Variants in GNL2 observed in about 807,000 individuals in gnomAD.
GNL2 encodes the protein nucleolar GTP-binding protein 2.
In GNL2, 51 loss-of-function variants were observed where a neutral mutation model predicts 92.3. That is an observed-to-expected ratio of 0.55 (90% CI 0.44 to 0.70). GNL2 has a LOEUF of 0.70. GNL2 is among the 30% of genes least tolerant of loss of function. The pLI, the probability that GNL2 is intolerant of heterozygous loss-of-function variation, is 0.00. For missense variants in GNL2, 844 were observed against 895.6 expected (o/e 0.94, Z 0.74); for synonymous variants, 283 against 300.6 (o/e 0.94, Z 0.61).
chr1:37,587,378 C>T lies in GNL2; in HGVS notation c.502G>A (p.Glu168Lys). 1.9e-6 allele frequency: 3 copies of T among 1,613,626 alleles called. No individual in the cohort carries two copies. Among genetic ancestry groups the T allele is most frequent in the South Asian group, 2.2e-5 (2 of 91,058 alleles). ...SDMQSLIENA[E>K]MSTESYDQGK... ...TGGTCATAGCTCTCAGTGGACATTT[C>T]AGCATTTTCGATAAGAGACTGCATA... The change falls in exon 5 of 16, where the codon GAA (glutamate) becomes AAA (lysine). Residue 168 changes from glutamate (E) to lysine (K), a missense_variant. By Grantham distance (56) the Glu-to-Lys change is moderately conservative. Transcript: ENST00000373062.
At chr1:37,583,737 A>T (rs925375978) in intron 6 of GNL2, 130 bp downstream of exon 6, 1 of 604,472 alleles carries the variant, frequency 1.7e-6, no homozygotes, top group Non-Finnish European at 3.0e-6. Flanking sequence ...TTGTAGGAGG[A>T]AGAGGATGGA....
At position 37,575,255 on chromosome 1, in the gene GNL2, GAAACAAGTGAGGA is replaced by G. The variant is rs756750711; in HGVS notation, c.1143+327_1143+339del. Among the ~76,000 whole-genome samples the G allele has an allele frequency of 1.3e-5, 2 of 152,196 alleles. No individual in the cohort carries two copies. Among genetic ancestry groups the G allele is most frequent in the Non-Finnish European group, 2.9e-5 (2 of 68,032 alleles). ...ATTTACAGTTTTTCAGTCGTATTCA[GAAACAAGTGAGGA>G]AATGACTGGGTTCCAAAATGACTCA... On this transcript the variant is annotated intron_variant, in intron 10 of 15. Transcript: ENST00000373062. The surrounding 1 kb of genome is among the most constrained non-coding windows in gnomAD (Gnocchi z 4.1).
At chr1:37,594,267 G>C (rs1643907765) in intron 1 of GNL2, among the ~76,000 whole-genome samples, 1 of 152,198 alleles carries the variant, frequency 6.6e-6, no homozygotes, top group Non-Finnish European at 1.5e-5. Context: ...TTGTACATGA[G>C]CATTTGATCA....
chr1:37,592,002 C>A (rs1643890580), intron 3 of GNL2, among the ~76,000 whole-genome samples: 1 of 152,184 alleles, frequency 6.6e-6, no homozygotes, highest in South Asian at 2.1e-4. Flanking sequence ...TGCTTCTCTG[C>A]AGAGTTTTGA....
chr1:37,567,568 C>T (rs1034673437), intron 15 of GNL2, 105 bp downstream of exon 15: 70 of 813,576 alleles, frequency 8.6e-5, no homozygotes, highest in Non-Finnish European at 1.3e-4. Context: ...TCAACGAGGA[C>T]TGGGGTTCTT....
intron 5 of GNL2, among the ~76,000 whole-genome samples, chr1:37,586,621 GC>G (rs1342615494): frequency 6.6e-6 from 1 of 152,176 alleles, no homozygotes; most frequent in Non-Finnish European, 1.5e-5. Context: ...AGTTAAGGAA[GC>G]CCCGATATTC....
rs1643901423 is a variant in GNL2, at chr1:37,593,662, T to C, written c.149+100A>G. 4 of 749,070 alleles carry C rather than the reference T, an allele frequency of 5.3e-6. No individual in the cohort carries two copies. The East Asian group carries it at 1.0e-4, about 19-fold the overall frequency. 46.4% of individuals were successfully genotyped at this position (749,070 alleles called of 1,614,324 possible). On this transcript the variant is annotated intron_variant, in intron 2 of 15. Transcript: ENST00000373062. ...TATTTGAGAATATATAACTCCTATT[T>C]GGAGGAAGTGGGGGTGAGAACAGCA...
chr1:37,584,796 A>G (rs1213193573), intron 5 of GNL2, among the ~76,000 whole-genome samples: 1 of 152,112 alleles, frequency 6.6e-6, no homozygotes, highest in Non-Finnish European at 1.5e-5. Context: ...GAAAATGGTT[A>G]GAAGAGCTGG....
Position 37,593,802 on chromosome 1 carries a change from T to C in GNL2, c.109A>G (p.Thr37Ala). 1 of 1,614,144 alleles carries C rather than the reference T, an allele frequency of 6.2e-7. No homozygotes were observed. The highest frequency in any genetic ancestry group is 1.1e-5 in the South Asian group (1 of 91,074). ...CTATACATATTCAGGCGCCGGATGG[T>C]GGCCCGGTCCCTCATGTTTTGGCCT... ...AGGQNMRDRATIRRLNMYRQK... is the reference protein window; with the variant it reads ...AGGQNMRDRAAIRRLNMYRQK... Residue 37 changes from threonine to alanine, a missense_variant, in exon 2 of 16, where the codon ACC (threonine) becomes GCC (alanine). Transcript: ENST00000373062.
At chr1:37,577,759 T>C (rs994401065) in intron 8 of GNL2, among the ~76,000 whole-genome samples, 5 of 152,292 alleles carry the variant, frequency 3.3e-5, no homozygotes, top group Admixed American at 1.3e-4. Context: ...GCAGATAGTC[T>C]GCCAAAGCAG....
chr1:37,573,091 G>A (rs1001619754), intron 12 of GNL2, among the ~76,000 whole-genome samples: 1 of 152,128 alleles, frequency 6.6e-6, no homozygotes, highest in African/African-American at 2.4e-5. Flanking sequence ...GGGATTGCTG[G>A]GTGAATGTAT....
chr1:37,586,009 T>C (rs755042905), intron 5 of GNL2, among the ~76,000 whole-genome samples: 1 of 152,158 alleles, frequency 6.6e-6, no homozygotes, highest in Admixed American at 6.5e-5. Context: ...TGGGGAATAA[T>C]TAAGGATGAA....
intron 6 of GNL2, 69 bp from the exon 7 acceptor site, chr1:37,583,005 T>A: frequency 9.6e-7 from 1 of 1,040,340 alleles, no homozygotes; most frequent in Non-Finnish European, 1.4e-6. Flanking sequence ...TTTAAGGGAG[T>A]CTGGGAAAAA....
At chr1:37,569,468 C>T (rs1220941629) in intron 12 of GNL2, 166 bp from the exon 13 acceptor site, 32 of 597,786 alleles carry the variant, frequency 5.4e-5, no homozygotes, top group Non-Finnish European at 8.6e-5. Context: ...AACCAATGTA[C>T]ATTAAGCCCA....
intron 12 of GNL2, among the ~76,000 whole-genome samples, chr1:37,572,437 G>A (rs1643608573): frequency 6.6e-6 from 1 of 152,184 alleles, no homozygotes; most frequent in African/African-American, 2.4e-5. Context: ...TGACCACATG[G>A]TTGGTGCTTT....
At chr1:37,581,428 T>G in intron 8 of GNL2, 1 of 455,982 alleles carries the variant, frequency 2.2e-6, no homozygotes, top group Non-Finnish European at 4.4e-6. Flanking sequence ...ATCTGAAGCT[T>G]GAATTTTGGC....
At chr1:37,578,564 CTT>C (rs918667500) in intron 8 of GNL2, among the ~76,000 whole-genome samples, 2 of 146,904 alleles carry the variant, frequency 1.4e-5, no homozygotes, top group Non-Finnish European at 3.0e-5. Context: ...ATGCCTTACT[CTT>C]TTTTTTTTTG....
In GNL2 at chr1:37,569,035, A is replaced by G. The variant is rs763941639; in HGVS notation, c.1684T>C (p.Phe562Leu). The stretch of plus-strand genomic sequence containing the variant: ...TGTTCCTCCTCCTCTTCATCAGAAA[A>G]GCTCTCAAGCTCTTCCTCAAGATCT... ...VSDLEEELES[F>L]SDEEEEEQEQ... is the part of the protein sequence containing the mutation. The change falls in exon 13 of 16, where the codon TTT becomes CTT. Residue 562 changes from phenylalanine to leucine, a missense_variant. By Grantham distance (22) the Phe-to-Leu change is conservative. Coordinates refer to ENST00000373062, the MANE Select transcript of GNL2 (RefSeq NM_013285.3). 4 of 1,614,066 alleles carry G rather than the reference A, an allele frequency of 2.5e-6. No homozygotes were observed. In the South Asian group the frequency reaches 3.3e-5, roughly 13 times the overall value.
At chr1:37,585,923 G>C (rs1189197755) in intron 5 of GNL2, among the ~76,000 whole-genome samples, 1 of 152,104 alleles carries the variant, frequency 6.6e-6, no homozygotes, top group African/African-American at 2.4e-5. Flanking sequence ...CCTTTCTCAA[G>C]AGCAATGTGG....
Sources: gnomAD v4.1 joint callset for allele counts (sites outside exome capture counted in the v4.1 genomes callset) on GRCh38, gnomAD v4.1.1 for gene constraint, Gnocchi (gnomAD v3.1) non-coding constraint, MANE v1.5 for transcripts, NCBI Gene and HGNC (gene_info 2026-07-23, HGNC 2026-07-21) for gene names.